The following GALNT18 variants were observed in gnomAD, a reference collection of about 807,000 sequenced individuals.
GALNT18 encodes GalNAc-transferase 18.
Under a neutral mutation model 69.5 loss-of-function variants are expected in GALNT18, and 44 were observed. That is an observed-to-expected ratio of 0.63 (90% CI 0.50 to 0.81). GALNT18 has a LOEUF of 0.81. Ranked by LOEUF, GALNT18 falls within the 40% of genes least tolerant of loss-of-function variation. The probability of loss-of-function intolerance (pLI) is 0.00; values close to 1 mark genes in which losing one functional copy is unlikely to be tolerated. For synonymous variants in GALNT18, 364 were observed against 318.2 expected (o/e 1.14, Z -1.53); for missense variants, 715 against 810.0 (o/e 0.88, Z 1.42).
At chr11:11,371,121 T>C (rs1338297752) in intron 6 of GALNT18, among the ~76,000 whole-genome samples, 1 of 152,188 alleles carries the variant, frequency 6.6e-6, no homozygotes, top group African/African-American at 2.4e-5. Flanking sequence ...TGTCTGGAAG[T>C]GTTTTCTAAG....
chr11:11,488,432 G>T (rs909952948), intron 1 of GALNT18, among the ~76,000 whole-genome samples: 1 of 151,848 alleles, frequency 6.6e-6, no homozygotes, highest in Non-Finnish European at 1.5e-5. Flanking sequence ...TAAGACTCTT[G>T]TGGACGATCC....
Position 11,586,639 on chromosome 11 carries a change from A to G in GALNT18, c.235+34720T>C, listed in dbSNP as rs11822353. Among the ~76,000 whole-genome samples, 25,171 of 152,112 alleles carry G rather than the reference A, an allele frequency of 0.17. 2,195 individuals are homozygous for G. The highest frequency in any genetic ancestry group is 0.28 in the Middle Eastern group (83 of 294). ...AAAAATAAAACGTTTCAGCATTTATATTTAGCTGGTATGCACTGGTTCCAC... is the reference window on the plus strand; with the variant it reads ...AAAAATAAAACGTTTCAGCATTTATGTTTAGCTGGTATGCACTGGTTCCAC... On this transcript the variant is annotated intron_variant, in intron 1 of 10. Transcript: ENST00000227756. This position sits in a 1 kb window ranked among gnomAD's most constrained non-coding sequence, Gnocchi z 4.1.
chr11:11,497,370 A>ACACACACACACACC lies in GALNT18; in HGVS notation c.236-48435_236-48434insGGTGTGTGTGTGTG, dbSNP rs1388394076. ...CACACACACACACACACACACACACACCCCTTAGAATGGGGCTCCTTAAGA... is the reference window on the plus strand; with the variant it reads ...CACACACACACACACACACACACACACACACACACACACCCCCCTTAGAATGGGGCTCCTTAAGA... On this transcript the variant is annotated intron_variant, in intron 1 of 10. Transcript: ENST00000227756. This position sits in a 1 kb window ranked among gnomAD's most constrained non-coding sequence, Gnocchi z 4.2. Among the ~76,000 whole-genome samples, 798 of 134,646 alleles carry ACACACACACACACC rather than the reference A, an allele frequency of 5.9e-3. 3 individuals carry two copies. The highest frequency in any genetic ancestry group is 8.7e-3 in the Non-Finnish European group (555 of 63,806). 88.3% of individuals were successfully genotyped at this position (134,646 alleles called of 152,430 possible).
At chr11:11,478,167 A>G (rs1856443008) in intron 1 of GALNT18, among the ~76,000 whole-genome samples, 1 of 152,244 alleles carries the variant, frequency 6.6e-6, no homozygotes, top group Non-Finnish European at 1.5e-5. Flanking sequence ...CATAGAAAGG[A>G]GCAAAACCTG....
In GALNT18 at chr11:11,415,132, G is replaced by A. The variant is rs1854824905; in HGVS notation, c.595+17489C>T. On this transcript the variant is annotated intron_variant, in intron 3 of 10. Transcript: ENST00000227756. This position sits in a 1 kb window ranked among gnomAD's most constrained non-coding sequence, Gnocchi z 4.1. ...GCATGGGTCTCTTCTCAGGCCACCA[G>A]AGTACATCTCTGTGACTTCCCCTTC... Among the ~76,000 whole-genome samples the A allele has an allele frequency of 6.6e-6, 1 of 152,236 alleles. No homozygotes were observed. The highest frequency in any genetic ancestry group is 6.5e-5 in the Admixed American group (1 of 15,278).
At chr11:11,276,782 T>A (rs1229156176) in intron 10 of GALNT18, among the ~76,000 whole-genome samples, 2 of 152,240 alleles carry the variant, frequency 1.3e-5, no homozygotes, top group Non-Finnish European at 2.9e-5. Flanking sequence ...GTGGTTTTTG[T>A]CACTGGTTCT....
intron 3 of GALNT18, among the ~76,000 whole-genome samples, chr11:11,424,005 G>A (rs1335687443): frequency 2.6e-5 from 4 of 152,228 alleles, no homozygotes; most frequent in South Asian, 2.1e-4. Flanking sequence ...TCAGGCCCAG[G>A]CCTGGAGAAG....
rs1039974351 is a variant in GALNT18, at chr11:11,617,661, ATTTTC to A, written c.235+3693_235+3697del. Among the ~76,000 whole-genome samples, 12 of 152,190 alleles carry A rather than the reference ATTTTC, an allele frequency of 7.9e-5. No individual in the cohort carries two copies. Among genetic ancestry groups the A allele is most frequent in the African/African-American group, 2.9e-4 (12 of 41,444 alleles). ...TGGGCAATTTTATGCATTTTTAAAT[ATTTTC>A]TTAAACATTGGCACATTCTTTTCCA... On this transcript the variant is annotated intron_variant, in intron 1 of 10. Transcript: ENST00000227756. This position sits in a 1 kb window ranked among gnomAD's most constrained non-coding sequence, Gnocchi z 4.7.
chr11:11,525,078 T>C (rs1182998892), intron 1 of GALNT18, among the ~76,000 whole-genome samples: 1 of 151,848 alleles, frequency 6.6e-6, no homozygotes, highest in African/African-American at 2.4e-5. Flanking sequence ...AAAACCAATA[T>C]ACAAATTCAG....
chr11:11,432,634 G>T lies in GALNT18; in HGVS notation c.582C>A (p.Asp194Glu). The change falls in exon 3 of 11, where the codon GAC becomes GAA. Residue 194 changes from aspartate to glutamate, a missense_variant. Coordinates refer to ENST00000227756, the MANE Select transcript of GALNT18 (RefSeq NM_198516.3). The surrounding 1 kb of genome is among the most constrained non-coding windows in gnomAD (Gnocchi z 5.8). ...HLLKEIILVDDNSSNEELKEK... is the reference protein window; with the variant it reads ...HLLKEIILVDENSSNEELKEK... ...TCCGACACTCACCGTTACTGCTGTT[G>T]TCATCCACCAGAATGATCTCCTTGA... 1 of 1,608,744 alleles carries T rather than the reference G, an allele frequency of 6.2e-7. No homozygotes were observed. Among genetic ancestry groups the T allele is most frequent in the Non-Finnish European group, 8.5e-7 (1 of 1,177,512 alleles).
intron 1 of GALNT18, among the ~76,000 whole-genome samples, chr11:11,486,227 C>T (rs144846479): frequency 1.8e-3 from 268 of 152,358 alleles, no homozygotes; most frequent in African/African-American, 6.1e-3. Context: ...ACCTCCCGCC[C>T]TACTTGCCTT....
chr11:11,338,704 T>A lies in GALNT18; in HGVS notation c.1278+2115A>T, dbSNP rs963678316. On this transcript the variant is annotated intron_variant, in intron 7 of 10. Coordinates refer to ENST00000227756, the MANE Select transcript of GALNT18 (RefSeq NM_198516.3). This position sits in a 1 kb window ranked among gnomAD's most constrained non-coding sequence, Gnocchi z 5.3. ...TGAAAGTGAAGGCAGAAATCAGGGG[T>A]AGAGATATTAATTAGGAAGGCAGCA... Among the ~76,000 whole-genome samples the A allele has an allele frequency of 1.3e-5, 2 of 151,432 alleles. No individual in the cohort carries two copies. The highest frequency in any genetic ancestry group is 2.0e-4 in the East Asian group (1 of 5,126).
At chr11:11,468,991 T>C (rs1856215547) in intron 1 of GALNT18, among the ~76,000 whole-genome samples, 1 of 152,060 alleles carries the variant, frequency 6.6e-6, no homozygotes, top group Admixed American at 6.5e-5. Context: ...AGATGGACAG[T>C]CCTATAGACA....
Position 11,469,254 on chromosome 11 carries a change from A to G in GALNT18, c.236-20318T>C, listed in dbSNP as rs1856221206. On this transcript the variant is annotated intron_variant, in intron 1 of 10. Transcript: ENST00000227756. The surrounding 1 kb of genome is among the most constrained non-coding windows in gnomAD (Gnocchi z 4.2). ...CAGTGCAGAACTAACGAAGGCCCCA[A>G]ACCATGGTACCAGACTGTTCCCAGG... is the stretch of plus-strand genomic sequence containing the variant. Among the ~76,000 whole-genome samples, 2 of 152,192 alleles carry G rather than the reference A, an allele frequency of 1.3e-5. No homozygotes were observed. The highest frequency in any genetic ancestry group is 6.5e-5 in the Admixed American group (1 of 15,284).
At chr11:11,438,771 G>C (rs1317340500) in intron 2 of GALNT18, among the ~76,000 whole-genome samples, 1 of 152,194 alleles carries the variant, frequency 6.6e-6, no homozygotes, top group East Asian at 1.9e-4. Flanking sequence ...TTCCCAGGCT[G>C]CCAAATCTGC....
rs1855590580 is a variant in GALNT18 at position 11,444,038 on chromosome 11, C to A, written c.428+4706G>T. ...TTGGGAGGCCATTATTCTGCCTATC[C>A]ATGAAGCCAGGACCCCCCAAAGTTC... On this transcript the variant is annotated intron_variant, in intron 2 of 10. Coordinates refer to ENST00000227756, the MANE Select transcript of GALNT18 (RefSeq NM_198516.3). The surrounding 1 kb of genome is among the most constrained non-coding windows in gnomAD (Gnocchi z 4.4). 6.6e-6 allele frequency among the ~76,000 whole-genome samples: 1 copy of A among 152,168 alleles called. No homozygotes were observed. The highest frequency in any genetic ancestry group is 1.5e-5 in the Non-Finnish European group (1 of 68,026).
chr11:11,404,304 C>T lies in GALNT18; in HGVS notation c.596-25040G>A, dbSNP rs1854536315. On this transcript the variant is annotated intron_variant, in intron 3 of 10. Coordinates refer to ENST00000227756, the MANE Select transcript of GALNT18 (RefSeq NM_198516.3). The surrounding 1 kb of genome is among the most constrained non-coding windows in gnomAD (Gnocchi z 4.5). ...AGTGCCAATGCCTCTGCCTCACCAT[C>T]CATCTGTGAATAGGGGTAAGACAAG... is the stretch of plus-strand genomic sequence containing the variant. Among the ~76,000 whole-genome samples the T allele has an allele frequency of 6.6e-6, 1 of 152,222 alleles. No individual in the cohort carries two copies. The highest frequency in any genetic ancestry group is 1.9e-4 in the East Asian group (1 of 5,198).
intron 9 of GALNT18, among the ~76,000 whole-genome samples, chr11:11,305,976 G>A (rs1404727324): frequency 2.6e-5 from 4 of 152,116 alleles, no homozygotes; most frequent in East Asian, 1.9e-4. Flanking sequence ...ACTCCTCTAA[G>A]CTGCTCTCTG....
At chr11:11,324,605 G>A (rs1849887187) in intron 9 of GALNT18, among the ~76,000 whole-genome samples, 1 of 152,302 alleles carries the variant, frequency 6.6e-6, no homozygotes, top group East Asian at 1.9e-4. Context: ...CATTCTTGAA[G>A]GAGTAAGGTG....
Sources: gnomAD v4.1 joint callset for allele counts (sites outside exome capture counted in the v4.1 genomes callset) on GRCh38, gnomAD v4.1.1 for gene constraint, Gnocchi (gnomAD v3.1) non-coding constraint, MANE v1.5 for transcripts, NCBI Gene and HGNC (gene_info 2026-07-23, HGNC 2026-07-21) for gene names.